GRID1: variants seen among roughly 807,000 people sequenced by gnomAD.
GRID1 encodes glutamate ionotropic receptor delta type subunit 1.
Under a neutral mutation model 98.0 loss-of-function variants are expected in GRID1, and 28 were observed. The observed-to-expected ratio is 0.29, with a 90% CI of 0.21 to 0.39. The LOEUF is 0.39. Ranked by LOEUF, GRID1 falls within the 10% of genes least tolerant of loss-of-function variation. GRID1 has a pLI of 1.00. For missense variants in GRID1, 1,111 were observed against 1,340.5 expected (o/e 0.83, Z 2.67); for synonymous variants, 553 against 538.5 (o/e 1.03, Z -0.37).
intron 2 of GRID1, among the ~76,000 whole-genome samples, chr10:86,263,199 A>T (rs75908857): frequency 1.3e-5 from 2 of 152,244 alleles, no homozygotes; most frequent in Non-Finnish European, 2.9e-5. Context: ...TTATCCATTA[A>T]TCTGACATTA....
chr10:86,297,022 G>GA (rs1847603694), intron 2 of GRID1, among the ~76,000 whole-genome samples: 1 of 152,092 alleles, frequency 6.6e-6, no homozygotes, highest in Non-Finnish European at 1.5e-5. Flanking sequence ...AATAAATAGA[G>GA]AAAATAACTG....
At position 85,626,969 on chromosome 10, in the gene GRID1, C is replaced by CA. The variant is rs764216037; in HGVS notation, c.2194-6937dup. On this transcript the variant is annotated intron_variant, in intron 13 of 15. Coordinates refer to ENST00000327946, the MANE Select transcript of GRID1 (RefSeq NM_017551.3). The stretch of plus-strand genomic sequence containing the variant: ...TTATCCTAAGGAATTATTCAATTTT[C>CA]AAAAAATGTTTGCATAGAGATTTTT... Among the ~76,000 whole-genome samples, 70 of 152,000 alleles carry CA rather than the reference C, an allele frequency of 4.6e-4. 1 individual carries two copies. Among genetic ancestry groups the CA allele is most frequent in the Non-Finnish European group, 8.4e-4 (57 of 67,980 alleles).
chr10:85,610,708 A>G (rs990714247), intron 15 of GRID1, among the ~76,000 whole-genome samples: 8 of 152,202 alleles, frequency 5.3e-5, no homozygotes, highest in African/African-American at 1.9e-4. Context: ...ACATCTGTGC[A>G]TGAGGAAGTA....
chr10:85,833,975 A>C (rs2131764413), intron 8 of GRID1, among the ~76,000 whole-genome samples: 1 of 152,314 alleles, frequency 6.6e-6, no homozygotes, highest in South Asian at 2.1e-4. Context: ...ACAGAGCCTC[A>C]AGGGTGTATG....
chr10:85,732,851 T>C (rs1231718706), intron 8 of GRID1, among the ~76,000 whole-genome samples: 1 of 152,198 alleles, frequency 6.6e-6, no homozygotes, highest in Non-Finnish European at 1.5e-5. Context: ...TCAACCTCAC[T>C]TTAGTTTATG....
intron 8 of GRID1, among the ~76,000 whole-genome samples, chr10:85,839,846 A>G (rs1410426414): frequency 6.6e-6 from 1 of 152,160 alleles, no homozygotes; most frequent in African/African-American, 2.4e-5. Context: ...AATAAAATAA[A>G]ATAGATAGAC....
chr10:85,647,168 C>G, intron 13 of GRID1, 34 bp downstream of exon 13: 1 of 1,578,702 alleles, frequency 6.3e-7, no homozygotes, highest in South Asian at 1.1e-5. Context: ...GGCCCTGTTA[C>G]AGTGCACGTG....
chr10:85,840,539 G>C (rs537872459), intron 8 of GRID1, among the ~76,000 whole-genome samples: 3 of 152,042 alleles, frequency 2.0e-5, no homozygotes, highest in Admixed American at 2.0e-4. Context: ...AGGAGGAGAA[G>C]TTAAACTATC....
At chr10:86,209,449 C>A (rs908937754) in intron 2 of GRID1, among the ~76,000 whole-genome samples, 1 of 152,114 alleles carries the variant, frequency 6.6e-6, no homozygotes, top group East Asian at 1.9e-4. Flanking sequence ...GGCCACACAA[C>A]GAACACTGCC....
intron 4 of GRID1, among the ~76,000 whole-genome samples, chr10:85,973,346 G>T (rs1218564207): frequency 6.6e-6 from 1 of 151,922 alleles, no homozygotes; most frequent in Non-Finnish European, 1.5e-5. Context: ...GAAAAATCAT[G>T]TAGCCTACTT....
At chr10:85,616,416 T>C (rs1842789103) in intron 14 of GRID1, among the ~76,000 whole-genome samples, 1 of 152,178 alleles carries the variant, frequency 6.6e-6, no homozygotes, top group Non-Finnish European at 1.5e-5. Flanking sequence ...GGCCAGCTTC[T>C]GGCCCAGGGG....
rs1841820877 is a variant in GRID1, at chr10:85,929,466, T to C, written c.727-13227A>G. Among the ~76,000 whole-genome samples, 5 of 152,322 alleles carry C rather than the reference T, an allele frequency of 3.3e-5. No individual in the cohort carries two copies. In the South Asian group the frequency reaches 1.0e-3, roughly 32 times the overall value. ...AGTTGACCAGTGTCATTTGAATAAA[T>C]TACTTTTATTTCTTATTAACTCCAT... On this transcript the variant is annotated intron_variant, in intron 4 of 15. Transcript: ENST00000327946.
At chr10:86,034,185 T>C (rs1455701827) in intron 4 of GRID1, among the ~76,000 whole-genome samples, 2 of 152,206 alleles carry the variant, frequency 1.3e-5, no homozygotes, top group Non-Finnish European at 1.5e-5. Context: ...GTAACAGATG[T>C]CCTTGTGAGT....
intron 4 of GRID1, among the ~76,000 whole-genome samples, chr10:85,923,385 TG>T: frequency 6.6e-6 from 1 of 152,210 alleles, no homozygotes; most frequent in African/African-American, 2.4e-5. Flanking sequence ...ACCACAGCTC[TG>T]GGGGAGGCTG....
chr10:86,244,978 G>A (rs973537363), intron 2 of GRID1, among the ~76,000 whole-genome samples: 4 of 152,150 alleles, frequency 2.6e-5, no homozygotes, highest in African/African-American at 9.7e-5. Flanking sequence ...AAATTAAAAG[G>A]AGCACCAGGG....
At chr10:86,124,050 A>G (rs1375688259) in intron 4 of GRID1, among the ~76,000 whole-genome samples, 1 of 152,198 alleles carries the variant, frequency 6.6e-6, no homozygotes, top group African/African-American at 2.4e-5. Flanking sequence ...GCACCTCCCC[A>G]GGGTAGCCAT....
At chr10:86,002,390 G>A (rs1307216886) in intron 4 of GRID1, among the ~76,000 whole-genome samples, 1 of 152,078 alleles carries the variant, frequency 6.6e-6, no homozygotes, top group Non-Finnish European at 1.5e-5. Context: ...GAAAAACAGA[G>A]CTGCCCCTGA....
At chr10:85,807,187 T>C (rs1248298441) in intron 8 of GRID1, among the ~76,000 whole-genome samples, 2 of 151,866 alleles carry the variant, frequency 1.3e-5, no homozygotes, top group Non-Finnish European at 2.9e-5. Context: ...CCATCTCTAC[T>C]AAAAATACAA....
chr10:86,361,089 G>A (rs1029144309), intron 2 of GRID1, among the ~76,000 whole-genome samples: 3 of 152,224 alleles, frequency 2.0e-5, no homozygotes, highest in Admixed American at 1.3e-4. Flanking sequence ...AGGCCCAGCA[G>A]TGAGATATAA....
Sources: allele counts gnomAD v4.1 joint callset (sites outside exome capture counted in the v4.1 genomes callset), GRCh38; gene constraint gnomAD v4.1.1; transcripts MANE v1.5; gene names NCBI Gene and HGNC (gene_info 2026-07-23, HGNC 2026-07-21).